Variants in ZC3H18 observed in about 807,000 individuals in gnomAD.
ZC3H18 encodes zinc finger CCCH-type containing 18, also known as zinc finger CCCH domain-containing protein 18.
ZC3H18 carries 8 observed loss-of-function variants against 106.1 expected under a neutral mutation model. The ratio of observed to expected loss-of-function variants is 0.08; its 90% CI spans 0.04 to 0.14. The LOEUF is 0.14. ZC3H18 is among the 10% of genes least tolerant of loss of function. ZC3H18 has a pLI of 1.00. For synonymous variants in ZC3H18, 635 were observed against 522.1 expected, an observed-to-expected ratio of 1.22 and a Z score of -2.95; for missense variants, 1,318 against 1,278.4, an observed-to-expected ratio of 1.03 and a Z score of -0.47.
intron 2 of ZC3H18, among the ~76,000 whole-genome samples, chr16:88,581,347 G>C (rs1035401285): frequency 6.6e-6 from 1 of 152,158 alleles, no homozygotes; most frequent in African/African-American, 2.4e-5. Context: ...GTCCCTTTTA[G>C]ATTTTGGGTC....
intron 6 of ZC3H18, chr16:88,608,599 G>C (rs1290870602): frequency 6.0e-6 from 1 of 165,980 alleles, no homozygotes; most frequent in Non-Finnish European, 1.3e-5. Context: ...CTGACCTCAG[G>C]TGATCCACCT....
At chr16:88,609,075 A>T (rs1401077292) in intron 7 of ZC3H18, 24 bp downstream of exon 7, 2 of 1,555,792 alleles carry the variant, frequency 1.3e-6, no homozygotes, top group Non-Finnish European at 1.8e-6. Flanking sequence ...CAATATCCAC[A>T]TATGAACTTC....
At chr16:88,592,702 C>G (rs145046094) in intron 3 of ZC3H18, among the ~76,000 whole-genome samples, 2 of 152,254 alleles carry the variant, frequency 1.3e-5, no homozygotes, top group African/African-American at 4.8e-5. Context: ...GTCTCGAACT[C>G]CTGACCTCAA....
chr16:88,630,749 A>ACCCCCCCCCC (rs1277102238), intron 17 of ZC3H18, among the ~76,000 whole-genome samples, 168 bp downstream of exon 17: 2 of 43,178 alleles, frequency 4.6e-5, no homozygotes, highest in Non-Finnish European at 5.0e-5. Flanking sequence ...TTGCAGCCCC[A>ACCCCCCCCCC]CCCCCCACCC....
rs187551365 is a variant in ZC3H18, at chr16:88,599,208, C to T, written c.930+496C>T. On this transcript the variant is annotated intron_variant, in intron 5 of 17. Transcript: ENST00000301011. ...GAAAGCCTGGCGAGGCTGCCCGAGC[C>T]GCACCCCCAGGATCTGCACCCCACA... Among the ~76,000 whole-genome samples the T allele has an allele frequency of 3.9e-5, 6 of 151,960 alleles. No homozygotes were observed. In the East Asian group the frequency reaches 9.7e-4, roughly 25 times the overall value.
intron 2 of ZC3H18, among the ~76,000 whole-genome samples, 178 bp downstream of exon 2, chr16:88,577,904 A>G (rs913181843): frequency 6.6e-6 from 1 of 152,226 alleles, no homozygotes; most frequent in Admixed American, 6.5e-5. Flanking sequence ...AGAAAGAGCC[A>G]GAAATCGAGA....
rs527299244 is a variant in ZC3H18 at position 88,603,901 on chromosome 16, G to A, written c.1088+3953G>A. 1.5e-4 allele frequency among the ~76,000 whole-genome samples: 22 copies of A among 151,348 alleles called. No homozygotes were observed. In the South Asian group the frequency reaches 4.0e-3, roughly 27 times the overall value. On this transcript the variant is annotated intron_variant, in intron 6 of 17. Coordinates refer to ENST00000301011, the MANE Select transcript of ZC3H18 (RefSeq NM_144604.4). Reference sequence around the variant, plus strand: ...ACCGGCCTTGGCCTCCCAAAGTGCTGGGATTACAGGCGTGAGCCACCGTGC... The same window carrying A: ...ACCGGCCTTGGCCTCCCAAAGTGCTAGGATTACAGGCGTGAGCCACCGTGC...
intron 6 of ZC3H18, among the ~76,000 whole-genome samples, chr16:88,600,987 G>A (rs866599156): frequency 6.6e-6 from 1 of 152,166 alleles, no homozygotes; most frequent in East Asian, 1.9e-4. Flanking sequence ...GACAATAAAC[G>A]GTGCTCAAAA....
chr16:88,628,958 TC>T, intron 16 of ZC3H18, 104 bp downstream of exon 16: 1 of 1,142,456 alleles, frequency 8.8e-7, no homozygotes, highest in Non-Finnish European at 1.3e-6. Flanking sequence ...AGGAGGAGGG[TC>T]CAGAGAACAT....
intron 8 of ZC3H18, among the ~76,000 whole-genome samples, chr16:88,617,089 C>T (rs986161875): frequency 4.6e-5 from 7 of 152,194 alleles, no homozygotes; most frequent in Non-Finnish European, 8.8e-5. Flanking sequence ...ATAGGAAACA[C>T]TGCCCTGAGC....
chr16:88,620,612 C>T (rs1192959113), intron 8 of ZC3H18, among the ~76,000 whole-genome samples: 1 of 150,378 alleles, frequency 6.6e-6, no homozygotes, highest in African/African-American at 2.4e-5. Context: ...CCACGTTCTG[C>T]TTATACAATT....
intron 5 of ZC3H18, among the ~76,000 whole-genome samples, chr16:88,598,976 G>A (rs1040881198): frequency 2.6e-5 from 4 of 152,170 alleles, no homozygotes; most frequent in Admixed American, 2.0e-4. Context: ...TCTCCTGCTC[G>A]GCCTCCCAAG....
At chr16:88,581,603 G>GT (rs1303137376) in intron 2 of ZC3H18, among the ~76,000 whole-genome samples, 2 of 152,194 alleles carry the variant, frequency 1.3e-5, no homozygotes, top group Non-Finnish European at 2.9e-5. Context: ...CTCATTTGTG[G>GT]TGTGGGTGAG....
intron 9 of ZC3H18, 101 bp from the exon 10 acceptor site, chr16:88,623,118 T>C (rs1449617923): frequency 3.3e-6 from 5 of 1,492,790 alleles, no homozygotes; most frequent in Non-Finnish European, 4.5e-6. Context: ...TGTGTGTAGC[T>C]GTGCGTCTGT....
chr16:88,598,300 C>T lies in ZC3H18; in HGVS notation c.811C>T (p.His271Tyr). 3 of 1,605,470 alleles carry T rather than the reference C, an allele frequency of 1.9e-6. No homozygotes were observed. The highest frequency in any genetic ancestry group is 2.5e-6 in the Non-Finnish European group (3 of 1,177,650). Residue 271 changes from histidine (H) to tyrosine (Y), a missense_variant, in exon 4 of 18, where the codon CAC (histidine) becomes TAC (tyrosine). Coordinates refer to ENST00000301011, the MANE Select transcript of ZC3H18 (RefSeq NM_144604.4). ...PPNGAPPLGPHPLMPANPWGG... is the reference protein window; with the variant it reads ...PPNGAPPLGPYPLMPANPWGG... Reference sequence around the variant, plus strand: ...TAATGGTGCCCCGCCTCTCGGACCTCACCCGCTGATGCCCGCCAACCCTTG... The same window carrying T: ...TAATGGTGCCCCGCCTCTCGGACCTTACCCGCTGATGCCCGCCAACCCTTG...
intron 10 of ZC3H18, chr16:88,623,576 C>G (rs1906105256): frequency 1.6e-6 from 1 of 628,656 alleles, no homozygotes; most frequent in Non-Finnish European, 2.7e-6. Flanking sequence ...AGCCTGAGAT[C>G]CTCGAGTTGA....
At position 88,616,031 on chromosome 16, in the gene ZC3H18, C is replaced by A. The variant is rs531588905; in HGVS notation, c.1475+4495C>A. Among the ~76,000 whole-genome samples the A allele has an allele frequency of 2.0e-5, 3 of 152,316 alleles. No individual in the cohort carries two copies. The East Asian group carries it at 5.8e-4, about 29-fold the overall frequency. ...CCCGTCTCCTGTGTGCTCAGCCTCC[C>A]CAGAGGAAAGCGGGTGACGGATCCC... is the stretch of plus-strand genomic sequence containing the variant. On this transcript the variant is annotated intron_variant, in intron 8 of 17. Transcript: ENST00000301011.
Position 88,571,490 on chromosome 16 carries a change from C to T in ZC3H18, c.-15+924C>T, listed in dbSNP as rs145930721. Reference sequence around the variant, plus strand: ...GAGGTTTGACCTCGGCTGAATCCCGCTTCCCAGCTTTGGGAGGAGAGTCTT... The same window carrying T: ...GAGGTTTGACCTCGGCTGAATCCCGTTTCCCAGCTTTGGGAGGAGAGTCTT... On this transcript the variant is annotated intron_variant, in intron 1 of 17. Transcript: ENST00000301011. The T allele has an allele frequency of 1.2e-4, 50 of 418,458 alleles. No homozygotes were observed. The East Asian group carries it at 6.0e-3, about 51-fold the overall frequency. 25.9% of individuals were successfully genotyped at this position (418,458 alleles called of 1,614,324 possible). A position where few individuals can be genotyped will look rare whatever the true frequency, so the allele number is the denominator to read the frequency against.
intron 8 of ZC3H18, among the ~76,000 whole-genome samples, chr16:88,615,064 C>T (rs1434534480): frequency 1.0e-4 from 15 of 149,084 alleles, no homozygotes; most frequent in African/African-American, 3.0e-4. Context: ...TCTGCCTGGA[C>T]GGGCTGCCCC....
Sources: gnomAD v4.1 joint callset for allele counts (sites outside exome capture counted in the v4.1 genomes callset) on GRCh38, gnomAD v4.1.1 for gene constraint, MANE v1.5 for transcripts, NCBI Gene and HGNC (gene_info 2026-07-23, HGNC 2026-07-21) for gene names.